The following ZMYM6 variants were observed in gnomAD, a reference collection of about 807,000 sequenced individuals.
ZMYM6 encodes the protein zinc finger MYM-type protein 6.
Under a neutral mutation model 134.0 loss-of-function variants are expected in ZMYM6, and 90 were observed. The ratio of observed to expected loss-of-function variants is 0.67; its 90% CI spans 0.57 to 0.80. ZMYM6 has a LOEUF of 0.80. ZMYM6 is among the 30% of genes least tolerant of loss of function. The pLI is 0.00. For missense variants in ZMYM6, 1,362 were observed against 1,533.9 expected (o/e 0.89, Z 1.87); for synonymous variants, 481 against 524.1 (o/e 0.92, Z 1.12).
chr1:35,010,433 A>C lies in ZMYM6; in HGVS notation c.1492+14T>G. 3 of 1,599,332 alleles carry C rather than the reference A, an allele frequency of 1.9e-6. No homozygotes were observed. The highest frequency in any genetic ancestry group is 2.6e-6 in the Non-Finnish European group (3 of 1,176,292). The stretch of plus-strand genomic sequence containing the variant: ...ACAACCCATGCTCTGTGAATAAAAC[A>C]ACTTTGTCTTTACCTTCACTACAGA... On this transcript the variant is annotated intron_variant, in intron 10 of 15. Coordinates refer to ENST00000357182, the MANE Select transcript of ZMYM6 (RefSeq NM_007167.4).
chr1:35,016,899 G>T (rs1361968975), intron 4 of ZMYM6, among the ~76,000 whole-genome samples: 2 of 151,830 alleles, frequency 1.3e-5, no homozygotes, highest in Non-Finnish European at 2.9e-5. Context: ...CAGTTACTCA[G>T]GATGCTGAGG....
At chr1:34,991,442 T>C (rs1640671325) in intron 15 of ZMYM6, among the ~76,000 whole-genome samples, 1 of 152,182 alleles carries the variant, frequency 6.6e-6, no homozygotes, top group Non-Finnish European at 1.5e-5. Context: ...AGCTTTTAAA[T>C]ATAGTGTATT....
chr1:35,007,207 G>T (rs1018755845), intron 11 of ZMYM6, 109 bp from the exon 12 acceptor site: 1 of 1,088,058 alleles, frequency 9.2e-7, no homozygotes, highest in Non-Finnish European at 1.2e-6. Flanking sequence ...AGTCAGTTGA[G>T]ACTACAAAAT....
chr1:35,010,736 C>T (rs1208120168), intron 9 of ZMYM6, 22 bp downstream of exon 9: 13 of 1,539,134 alleles, frequency 8.4e-6, no homozygotes, highest in Admixed American at 2.2e-5. Flanking sequence ...TATATACAAT[C>T]CCTTTCATGA....
Position 34,988,115 on chromosome 1 carries a change from C to T in ZMYM6, c.2967G>A (p.Arg989=). 1 of 1,551,486 alleles carries T rather than the reference C, an allele frequency of 6.4e-7. No individual in the cohort carries two copies. Among genetic ancestry groups the T allele is most frequent in the Non-Finnish European group, 8.7e-7 (1 of 1,146,984 alleles). ...CTDGAASMTG[R]YSGLKAKIQE... The stretch of plus-strand genomic sequence containing the variant: ...GAATTTTTGCTTTTAAACCAGAATA[C>T]CTGCCAGTCATGCTTGCAGCCCCAT... The change falls in exon 16 of 16, where the codon AGG becomes AGA. Residue 989 remains arginine (R), a synonymous_variant. Transcript: ENST00000357182.
chr1:34,990,246 T>G lies in ZMYM6; in HGVS notation c.2147-1311A>C, dbSNP rs147304597. On this transcript the variant is annotated intron_variant, in intron 15 of 15. Transcript: ENST00000357182. ...TTGTAATCCCAGCACTTTGGGAGGC[T>G]GAGGCGGGCACATCATGAGGTCACG... 2,286 of 247,598 alleles carry G rather than the reference T, an allele frequency of 9.2e-3. 22 individuals carry two copies. The highest frequency in any genetic ancestry group is 0.015 in the South Asian group (388 of 25,816). The allele number at this position is 247,598 out of a possible 1,614,324, so 15.3% of individuals were successfully genotyped here.
In ZMYM6 at chr1:34,988,110, G is replaced by C. The variant is rs542555517; in HGVS notation, c.2972C>G (p.Ser991Cys). The change falls in exon 16 of 16, where the codon TCT becomes TGT. Residue 991 changes from serine to cysteine, a missense_variant. Coordinates refer to ENST00000357182, the MANE Select transcript of ZMYM6 (RefSeq NM_007167.4). ...TTCTTGAATTTTTGCTTTTAAACCA[G>C]AATACCTGCCAGTCATGCTTGCAGC... is the stretch of plus-strand genomic sequence containing the variant. ...DGAASMTGRY[S>C]GLKAKIQEVA... 6.4e-7 allele frequency: 1 copy of C among 1,551,362 alleles called. No homozygotes were observed. Among genetic ancestry groups the C allele is most frequent in the South Asian group, 1.2e-5 (1 of 84,062 alleles).
chr1:35,003,563 G>C (rs1442075605), intron 14 of ZMYM6, among the ~76,000 whole-genome samples: 1 of 152,162 alleles, frequency 6.6e-6, no homozygotes, highest in Non-Finnish European at 1.5e-5. Context: ...ATGTAGTTTT[G>C]TTATTTCCAA....
chr1:35,019,030 T>C (rs1048348025), intron 4 of ZMYM6: 9 of 484,170 alleles, frequency 1.9e-5, no homozygotes, highest in African/African-American at 3.9e-5. Context: ...CTATACCCAA[T>C]AGCTTTCAAG....
In ZMYM6 at chr1:34,987,154, C is replaced by T. The variant is rs748915643; in HGVS notation, c.3928G>A (p.Val1310Ile). The change falls in exon 16 of 16, where the codon GTC becomes ATC. Residue 1310 changes from valine (V) to isoleucine (I), a missense_variant. Physicochemically the swap from Val to Ile is conservative, Grantham distance 29. Coordinates refer to ENST00000357182, the MANE Select transcript of ZMYM6 (RefSeq NM_007167.4). Reference protein sequence around the residue: ...LGSGPALRLAVTSLIPRIEKL... With the variant: ...LGSGPALRLAITSLIPRIEKL... ...TCTATCCTTGGAATTAAAGATGTGACTGCAAGTCTTAGGGCAGGGCCAGAA... is the reference window on the plus strand; with the variant it reads ...TCTATCCTTGGAATTAAAGATGTGATTGCAAGTCTTAGGGCAGGGCCAGAA... The T allele has an allele frequency of 1.3e-6, 2 of 1,590,086 alleles. No individual in the cohort carries two copies. Among genetic ancestry groups the T allele is most frequent in the South Asian group, 1.2e-5 (1 of 86,184 alleles).
chr1:35,009,512 G>A (rs968796190), intron 10 of ZMYM6, among the ~76,000 whole-genome samples: 13 of 152,140 alleles, frequency 8.5e-5, no homozygotes, highest in African/African-American at 2.9e-4. Flanking sequence ...GTTCCTCTTC[G>A]CAAATGAGTG....
chr1:34,999,310 A>G (rs1213164552), intron 14 of ZMYM6, among the ~76,000 whole-genome samples: 1 of 152,212 alleles, frequency 6.6e-6, no homozygotes, highest in Non-Finnish European at 1.5e-5. Flanking sequence ...AACAGTTTCA[A>G]TGCAGTGGTG....
At position 34,992,295 on chromosome 1, in the gene ZMYM6, G is replaced by A. The variant is rs371144527; in HGVS notation, c.2085C>T (p.Pro695=). The change falls in exon 15 of 16, where the codon CCC becomes CCT. Residue 695 remains proline, a synonymous_variant. Coordinates refer to ENST00000357182, the MANE Select transcript of ZMYM6 (RefSeq NM_007167.4). ...LLKNKGISCK[P]VTQTKATSCK... ...AAGAAGTGGCCTTGGTCTGTGTGACGGGTTTGCATGATATGCCTTTGTTCT... is the reference window on the plus strand; with the variant it reads ...AAGAAGTGGCCTTGGTCTGTGTGACAGGTTTGCATGATATGCCTTTGTTCT... The A allele has an allele frequency of 8.1e-5, 131 of 1,613,946 alleles. No homozygotes were observed. Among genetic ancestry groups the A allele is most frequent in the Non-Finnish European group, 9.4e-5 (111 of 1,179,990 alleles).
intron 10 of ZMYM6, among the ~76,000 whole-genome samples, chr1:35,010,154 C>T (rs1490959443): frequency 6.6e-5 from 10 of 152,024 alleles, no homozygotes; most frequent in Non-Finnish European, 1.2e-4. Flanking sequence ...GGATTACAGG[C>T]GTGCGGCACC....
intron 15 of ZMYM6, 128 bp downstream of exon 15, chr1:34,992,106 G>A (rs753982187): frequency 8.3e-7 from 1 of 1,203,458 alleles, no homozygotes; most frequent in East Asian, 2.5e-5. Flanking sequence ...TTCAAAGCAT[G>A]TGATCCAAGA....
chr1:35,016,185 G>A (rs1283477537), intron 4 of ZMYM6, among the ~76,000 whole-genome samples: 2 of 151,954 alleles, frequency 1.3e-5, no homozygotes, highest in Non-Finnish European at 2.9e-5. Flanking sequence ...TCCTGACCTC[G>A]CGATCCGCCT....
chr1:35,013,453 C>T, intron 6 of ZMYM6: 1 of 984,174 alleles, frequency 1.0e-6, no homozygotes, highest in Non-Finnish European at 1.2e-6. Context: ...GAGTACAATA[C>T]TAGTAACAAA....
chr1:35,015,242 A>G, intron 4 of ZMYM6, 80 bp from the exon 5 acceptor site: 2 of 1,331,994 alleles, frequency 1.5e-6, no homozygotes, highest in Non-Finnish European at 2.0e-6. Flanking sequence ...GTGAAATAAC[A>G]CTTACTAAGG....
At chr1:34,989,433 T>C (rs1640630534) in intron 15 of ZMYM6, 1 of 167,172 alleles carries the variant, frequency 6.0e-6, no homozygotes, top group Admixed American at 6.6e-5. Context: ...CACACACCTA[T>C]AGTCCCAGCT....
Sources: allele counts gnomAD v4.1 joint callset (sites outside exome capture counted in the v4.1 genomes callset), GRCh38; gene constraint gnomAD v4.1.1; transcripts MANE v1.5; gene names NCBI Gene and HGNC (gene_info 2026-07-23, HGNC 2026-07-21).